COL11A1: variants seen among roughly 807,000 people sequenced by gnomAD.
The protein encoded by COL11A1 is collagen type XI alpha 1 chain.
In COL11A1, 74 loss-of-function variants were observed where a neutral mutation model predicts 265.2. The observed-to-expected ratio is 0.28, with a 90% CI of 0.23 to 0.34. COL11A1 has a LOEUF of 0.34. Ranked by LOEUF, COL11A1 falls within the 10% of genes least tolerant of loss-of-function variation. The probability of loss-of-function intolerance (pLI) is 1.00; values close to 1 mark genes in which losing one functional copy is unlikely to be tolerated. For missense variants in COL11A1, 2,165 were observed against 2,263.6 expected (o/e 0.96, Z 0.88); for synonymous variants, 816 against 727.6 (o/e 1.12, Z -1.96).
At chr1:102,899,281 C>T (rs143259255) in intron 54 of COL11A1, among the ~76,000 whole-genome samples, 79 of 152,092 alleles carry the variant, frequency 5.2e-4, no homozygotes, top group African/African-American at 1.8e-3. Flanking sequence ...GAATTAAAAT[C>T]GCCACCCTGA....
chr1:103,103,317 A>T (rs1228565714), intron 1 of COL11A1, among the ~76,000 whole-genome samples: 6 of 151,982 alleles, frequency 3.9e-5, no homozygotes, highest in East Asian at 1.9e-4. Context: ...GCCATTTTTT[A>T]TTTGAAATAA....
rs535188787 is a variant in COL11A1, at chr1:102,979,944, T to A, written c.2557-509A>T. Reference sequence around the variant, plus strand: ...TCAATTCATAGACTAAAAACCTTCCTCCACTTTTTCGATTTGGTATTTGAA... The same window carrying A: ...TCAATTCATAGACTAAAAACCTTCCACCACTTTTTCGATTTGGTATTTGAA... On this transcript the variant is annotated intron_variant, in intron 31 of 66. Transcript: ENST00000370096. Among the ~76,000 whole-genome samples, 4 of 152,278 alleles carry A rather than the reference T, an allele frequency of 2.6e-5. No homozygotes were observed. In the South Asian group the frequency reaches 8.3e-4, roughly 32 times the overall value.
chr1:103,073,958 TAATA>T (rs1186207951), intron 4 of COL11A1, among the ~76,000 whole-genome samples: 1 of 151,968 alleles, frequency 6.6e-6, no homozygotes, highest in African/African-American at 2.4e-5. Flanking sequence ...ATCACAGAAA[TAATA>T]AATAATGTCT....
intron 14 of COL11A1, among the ~76,000 whole-genome samples, chr1:103,010,623 T>C (rs2622839): frequency 0.044 from 6,729 of 152,230 alleles, 251 homozygotes; most frequent in African/African-American, 0.098. Flanking sequence ...TATGAATCCA[T>C]TTCCTTGTGT....
chr1:103,033,724 T>C (rs1449108923), intron 4 of COL11A1, among the ~76,000 whole-genome samples: 4 of 152,192 alleles, frequency 2.6e-5, no homozygotes, highest in African/African-American at 9.6e-5. Context: ...TAATCTTCCA[T>C]TTCAATCTGA....
At position 102,879,419 on chromosome 1, in the gene COL11A1, A is replaced by G. The variant is rs193241275; in HGVS notation, c.5274+264T>C. Among the ~76,000 whole-genome samples, 236 of 152,280 alleles carry G rather than the reference A, an allele frequency of 1.5e-3. 2 individuals are homozygous for G. Among genetic ancestry groups the G allele is most frequent in the African/African-American group, 5.3e-3 (222 of 41,562 alleles). On this transcript the variant is annotated intron_variant, in intron 66 of 66. Coordinates refer to ENST00000370096, the MANE Select transcript of COL11A1 (RefSeq NM_001854.4). ...GGAATAACTAGCTGTGATATGATTC[A>G]AATGTCAGAATAAAATAACATATAA... is the stretch of plus-strand genomic sequence containing the variant.
rs35117641 is a variant in COL11A1 at position 103,012,269 on chromosome 1, A to AT, written c.1629+143dup. The AT allele has an allele frequency of 0.056, 36,539 of 655,336 alleles. 1,226 individuals are homozygous for AT. Among genetic ancestry groups the AT allele is most frequent in the African/African-American group, 0.11 (6,188 of 55,056 alleles). 40.6% of individuals were successfully genotyped at this position (655,336 alleles called of 1,614,324 possible). A position where few individuals can be genotyped will look rare whatever the true frequency, so the allele number is the denominator to read the frequency against. ...TGTACAGAAAACTGAATTGAGAAGG[A>AT]TTTTTTTAATGGAAACAACAGCAAG... is the stretch of plus-strand genomic sequence containing the variant. On this transcript the variant is annotated intron_variant, in intron 14 of 66. Coordinates refer to ENST00000370096, the MANE Select transcript of COL11A1 (RefSeq NM_001854.4).
chr1:103,059,600 T>C (rs1354946120), intron 4 of COL11A1, among the ~76,000 whole-genome samples: 1 of 152,102 alleles, frequency 6.6e-6, no homozygotes, highest in Non-Finnish European at 1.5e-5. Context: ...ATGATTCCCG[T>C]GCTAAGAACT....
At chr1:102,896,239 A>AAAGTCATCCACC (rs1652413690) in intron 57 of COL11A1, among the ~76,000 whole-genome samples, 1 of 152,118 alleles carries the variant, frequency 6.6e-6, no homozygotes, top group Non-Finnish European at 1.5e-5. Context: ...TAATGTTCCT[A>AAAGTCATCCACC]AAGTCATCCA....
chr1:103,074,265 C>T (rs1410893677), intron 4 of COL11A1, among the ~76,000 whole-genome samples: 1 of 152,052 alleles, frequency 6.6e-6, no homozygotes, highest in Non-Finnish European at 1.5e-5. Context: ...GCGCATCTCT[C>T]TAAATTAACC....
chr1:103,071,801 T>A (rs1336008642), intron 4 of COL11A1, among the ~76,000 whole-genome samples: 1 of 138,724 alleles, frequency 7.2e-6, no homozygotes, highest in Non-Finnish European at 1.5e-5. Flanking sequence ...AATAATAATG[T>A]TTGTAAAACT....
At chr1:103,106,876 G>T (rs1674733343) in intron 1 of COL11A1, among the ~76,000 whole-genome samples, 1 of 152,048 alleles carries the variant, frequency 6.6e-6, no homozygotes. Context: ...TAGACCCAGG[G>T]CCACACTCAA....
intron 4 of COL11A1, among the ~76,000 whole-genome samples, chr1:103,067,544 T>C (rs1418189668): frequency 6.6e-6 from 1 of 151,750 alleles, no homozygotes; most frequent in Non-Finnish European, 1.5e-5. Flanking sequence ...AATCTCGAAG[T>C]AATAACCCTA....
rs1310313312 is a variant in COL11A1, at chr1:103,049,996, T to A, written c.652-18752A>T. 3.3e-5 allele frequency among the ~76,000 whole-genome samples: 5 copies of A among 152,220 alleles called. No homozygotes were observed. The South Asian group carries it at 6.2e-4, about 19-fold the overall frequency. ...TGTTAATCTGATGGGCTTCCCTTTG[T>A]GGGTAACCCGACCTTTCTCTCTGGC... On this transcript the variant is annotated intron_variant, in intron 4 of 66. Coordinates refer to ENST00000370096, the MANE Select transcript of COL11A1 (RefSeq NM_001854.4).
chr1:102,955,900 A>C (rs553242874), intron 41 of COL11A1, among the ~76,000 whole-genome samples: 240 of 152,230 alleles, frequency 1.6e-3, no homozygotes, highest in Non-Finnish European at 2.6e-3. Context: ...TAGTGACTAC[A>C]TCCCCTGAGA....
At chr1:102,894,584 A>T (rs1570651850) in intron 57 of COL11A1, among the ~76,000 whole-genome samples, 2 of 152,244 alleles carry the variant, frequency 1.3e-5, no homozygotes, top group East Asian at 3.9e-4. Context: ...ATGTTGGTTG[A>T]CTACTAAAAT....
intron 49 of COL11A1, among the ~76,000 whole-genome samples, chr1:102,916,652 A>C (rs894796048): frequency 1.3e-5 from 2 of 152,066 alleles, no homozygotes; most frequent in Non-Finnish European, 2.9e-5. Flanking sequence ...TATTTTGTGT[A>C]CATAGTTTCT....
intron 6 of COL11A1, 144 bp from the exon 7 acceptor site, chr1:103,025,757 C>T: frequency 6.2e-7 from 1 of 1,608,268 alleles, no homozygotes; most frequent in Non-Finnish European, 8.5e-7. Context: ...CAGAGATCTT[C>T]CAGCTTATCT....
intron 54 of COL11A1, among the ~76,000 whole-genome samples, chr1:102,905,853 G>T (rs1416003095): frequency 1.3e-5 from 2 of 151,986 alleles, no homozygotes; most frequent in Admixed American, 6.6e-5. Context: ...CTTTTTGTAT[G>T]TGTATCACCC....
Sources: allele counts gnomAD v4.1 joint callset (sites outside exome capture counted in the v4.1 genomes callset), GRCh38; gene constraint gnomAD v4.1.1; transcripts MANE v1.5; gene names NCBI Gene and HGNC (gene_info 2026-07-23, HGNC 2026-07-21).